CALN1: variants seen among roughly 807,000 people sequenced by gnomAD.
The protein encoded by CALN1 is calcium-binding protein 8.
In CALN1, 17 loss-of-function variants were observed where a neutral mutation model predicts 30.6. That is an observed-to-expected ratio of 0.56 (90% confidence interval 0.38 to 0.83). The LOEUF (loss-of-function observed/expected upper bound fraction) is 0.83, where lower values mean the gene tolerates loss of function less well. Among genes scored for constraint, CALN1 ranks in the 40% least tolerant of loss-of-function variants. The pLI is 0.00. For synonymous variants in CALN1, 156 were observed against 131.4 expected (o/e 1.19, Z -1.28); for missense variants, 291 against 354.9 (o/e 0.82, Z 1.45).
rs551135780 is a variant in CALN1, at chr7:72,238,863, T to TGA, written c.244+39821_244+39822dup. Among the ~76,000 whole-genome samples, 19 of 152,268 alleles carry TGA rather than the reference T, an allele frequency of 1.2e-4. No individual in the cohort carries two copies. In the South Asian group the frequency reaches 3.1e-3, roughly 25 times the overall value. On this transcript the variant is annotated intron_variant, in intron 3 of 6. Transcript: ENST00000395275. ...CTCAGGTATGTCTTTATTAGCAGCA[T>TGA]GAGAACAGGCTAATACAGTGTCATA...
chr7:72,097,319 C>A (rs1772565127), intron 4 of CALN1, among the ~76,000 whole-genome samples: 1 of 152,138 alleles, frequency 6.6e-6, no homozygotes. Flanking sequence ...AAAAAGAACA[C>A]TGAAAATGCA....
chr7:71,888,113 C>T (rs534801874), intron 5 of CALN1, among the ~76,000 whole-genome samples: 4 of 152,062 alleles, frequency 2.6e-5, no homozygotes, highest in Admixed American at 2.0e-4. Flanking sequence ...TAAGACCTCC[C>T]AGAGTTTGGG....
At chr7:72,436,524 C>A (rs542883148) in intron 1 of CALN1, among the ~76,000 whole-genome samples, 1 of 152,318 alleles carries the variant, frequency 6.6e-6, no homozygotes, top group African/African-American at 2.4e-5. Flanking sequence ...AATACAACTG[C>A]ATTCCTTAAG....
intron 5 of CALN1, among the ~76,000 whole-genome samples, chr7:71,897,880 G>A (rs939165867): frequency 1.4e-5 from 2 of 147,390 alleles, no homozygotes; most frequent in African/African-American, 5.1e-5. Context: ...AGACTGTAAA[G>A]CAATGTGGTT....
In CALN1 at chr7:71,783,914, A is replaced by G. The variant is rs1792850978; in HGVS notation, c.*3861T>C. 1.3e-5 allele frequency: 2 copies of G among 152,294 alleles called. No individual in the cohort carries two copies. Among genetic ancestry groups the G allele is most frequent in the African/African-American group, 2.4e-5 (1 of 41,442 alleles). 9.4% of individuals were successfully genotyped at this position (152,294 alleles called of 1,614,324 possible). A position where few individuals can be genotyped will look rare whatever the true frequency, so the allele number is the denominator to read the frequency against. ...GACAGGGCAGGTATTGAGAAAGAAGACTCATAAGACACATCTTGTTCTCTG... is the reference window on the plus strand; with the variant it reads ...GACAGGGCAGGTATTGAGAAAGAAGGCTCATAAGACACATCTTGTTCTCTG... On this transcript the variant is annotated 3_prime_UTR_variant, in exon 7 of 7. Coordinates refer to ENST00000395275, the MANE Select transcript of CALN1 (RefSeq NM_031468.4).
At chr7:72,339,588 C>A (rs1457301110) in intron 2 of CALN1, among the ~76,000 whole-genome samples, 2 of 152,202 alleles carry the variant, frequency 1.3e-5, no homozygotes. Context: ...TTTTTGTTCC[C>A]TGTATCAGTC....
intron 2 of CALN1, among the ~76,000 whole-genome samples, chr7:72,320,116 A>G (rs1180379052): frequency 6.6e-6 from 1 of 152,152 alleles, no homozygotes; most frequent in Non-Finnish European, 1.5e-5. Context: ...TCGAGATGAC[A>G]CAGCGAGACT....
chr7:72,300,568 T>C (rs1799187852), intron 2 of CALN1, among the ~76,000 whole-genome samples: 1 of 152,242 alleles, frequency 6.6e-6, no homozygotes, highest in African/African-American at 2.4e-5. Context: ...CTAACTCTAA[T>C]ACGTGTTTCA....
At chr7:72,028,330 T>C (rs992398444) in intron 4 of CALN1, among the ~76,000 whole-genome samples, 9 of 152,140 alleles carry the variant, frequency 5.9e-5, no homozygotes, top group African/African-American at 2.2e-4. Flanking sequence ...AACTGGTGCA[T>C]TTCACAGGTC....
chr7:72,271,575 A>AAAAAAATATATATATATATATATATAT, intron 3 of CALN1, among the ~76,000 whole-genome samples: 16 of 52,108 alleles, frequency 3.1e-4, no homozygotes, highest in African/African-American at 4.0e-4. Flanking sequence ...AAAAAAAAAA[A>AAAAAAATATATATATATATATATATAT]ATATATATAT....
At position 71,787,434 on chromosome 7, in the gene CALN1, A is replaced by G. The variant is rs1287693830; in HGVS notation, c.*341T>C. ...CATGCCTCTCTCTTGCTCTCTCACC[A>G]TTATACCTGGATGGCTGCTGGAATT... On this transcript the variant is annotated 3_prime_UTR_variant, in exon 7 of 7. Transcript: ENST00000395275. 2 of 258,460 alleles carry G rather than the reference A, an allele frequency of 7.7e-6. No homozygotes were observed. The highest frequency in any genetic ancestry group is 8.2e-5 in the East Asian group (1 of 12,212). 16.0% of individuals were successfully genotyped at this position (258,460 alleles called of 1,614,324 possible).
intron 5 of CALN1, among the ~76,000 whole-genome samples, chr7:71,971,953 A>AAAAAAAAGAAAG (rs1797839188): frequency 2.9e-4 from 21 of 72,786 alleles, no homozygotes; most frequent in Admixed American, 6.4e-4. Flanking sequence ...AAAAAAAAAA[A>AAAAAAAAGAAAG]AAAGAAAGAA....
intron 3 of CALN1, among the ~76,000 whole-genome samples, chr7:72,224,410 G>A (rs1410880652): frequency 6.6e-6 from 1 of 152,128 alleles, no homozygotes; most frequent in Non-Finnish European, 1.5e-5. Flanking sequence ...AAGGAAACAA[G>A]TGACTTCTTT....
chr7:72,187,656 T>C (rs1431917872), intron 3 of CALN1, among the ~76,000 whole-genome samples: 1 of 152,226 alleles, frequency 6.6e-6, no homozygotes, highest in African/African-American at 2.4e-5. Flanking sequence ...TGGTCCCTGC[T>C]GCCAAAAGGG....
At chr7:71,910,934 G>A (rs541064526) in intron 5 of CALN1, among the ~76,000 whole-genome samples, 28 of 152,180 alleles carry the variant, frequency 1.8e-4, no homozygotes, top group African/African-American at 6.7e-4. Flanking sequence ...GAAAATAAAC[G>A]CCCAACAGAA....
rs574024561 is a variant in CALN1, at chr7:72,212,379, G to A, written c.244+66307C>T. ...AAAAAAAAAAAAAATACCAGAGGGG[G>A]GAAGAATCTACCCAATAGATATGAC... On this transcript the variant is annotated intron_variant, in intron 3 of 6. Transcript: ENST00000395275. 7.0e-4 allele frequency among the ~76,000 whole-genome samples: 105 copies of A among 151,012 alleles called. 1 individual carries two copies. Among genetic ancestry groups the A allele is most frequent in the Non-Finnish European group, 1.1e-3 (76 of 67,694 alleles).
intron 2 of CALN1, among the ~76,000 whole-genome samples, chr7:72,396,235 TAAAA>T (rs55683543): frequency 5.6e-5 from 3 of 53,344 alleles, no homozygotes; most frequent in African/African-American, 1.8e-4. Flanking sequence ...TTGTCTCTAC[TAAAA>T]AAAAAAAAAA....
chr7:72,227,277 C>T (rs1016394523), intron 3 of CALN1, among the ~76,000 whole-genome samples: 16 of 150,750 alleles, frequency 1.1e-4, no homozygotes, highest in African/African-American at 3.7e-4. Flanking sequence ...TGGTGGCCTA[C>T]GTCTGTAATC....
At chr7:71,887,645 AG>A (rs1359977742) in intron 5 of CALN1, among the ~76,000 whole-genome samples, 1 of 152,064 alleles carries the variant, frequency 6.6e-6, no homozygotes, top group Non-Finnish European at 1.5e-5. Flanking sequence ...TAGCAAACAT[AG>A]GGGGAGGGAG....
Sources: gnomAD v4.1 joint callset for allele counts (sites outside exome capture counted in the v4.1 genomes callset) on GRCh38, gnomAD v4.1.1 for gene constraint, MANE v1.5 for transcripts, NCBI Gene and HGNC (gene_info 2026-07-23, HGNC 2026-07-21) for gene names.